Variants in BMERB1 observed in about 807,000 individuals in gnomAD.
BMERB1 encodes the protein bMERB domain-containing protein 1.
BMERB1 carries 12 observed loss-of-function variants against 23.6 expected under a neutral mutation model. The ratio of observed to expected loss-of-function variants is 0.51; its 90% CI spans 0.33 to 0.82. BMERB1 has a LOEUF of 0.82. BMERB1 is among the 40% of genes least tolerant of loss of function. The pLI is 0.03. For missense variants in BMERB1, 247 were observed against 255.4 expected, an observed-to-expected ratio of 0.97 and a Z score of 0.22; for synonymous variants, 122 against 96.6, an observed-to-expected ratio of 1.26 and a Z score of -1.54.
intron 1 of BMERB1, among the ~76,000 whole-genome samples, chr16:15,474,012 C>G (rs978777227): frequency 3.3e-5 from 5 of 150,988 alleles, no homozygotes; most frequent in African/African-American, 1.2e-4. Flanking sequence ...CCCAGCTCCT[C>G]GGGAGGCTGA....
chr16:15,501,362 G>A (rs1010524523), intron 1 of BMERB1, among the ~76,000 whole-genome samples: 11 of 145,772 alleles, frequency 7.5e-5, no homozygotes, highest in African/African-American at 2.6e-4. Flanking sequence ...ACTCGATCTT[G>A]GCTCACTGCA....
At chr16:15,519,493 C>T (rs945240671) in intron 2 of BMERB1, among the ~76,000 whole-genome samples, 1 of 152,114 alleles carries the variant, frequency 6.6e-6, no homozygotes, top group East Asian at 1.9e-4. Flanking sequence ...TGGGTTCAAG[C>T]GATTCTTGTG....
At chr16:15,477,445 C>T (rs1187106082) in intron 1 of BMERB1, among the ~76,000 whole-genome samples, 1 of 152,060 alleles carries the variant, frequency 6.6e-6, no homozygotes, top group Non-Finnish European at 1.5e-5. Context: ...ATATCAGCAA[C>T]ATAGTGAGAC....
intron 1 of BMERB1, among the ~76,000 whole-genome samples, chr16:15,492,528 A>C (rs1400241649): frequency 6.6e-6 from 1 of 152,202 alleles, no homozygotes; most frequent in Non-Finnish European, 1.5e-5. Context: ...GAAACTTTAC[A>C]ATGGAGAAAC....
At chr16:15,485,372 C>T (rs1158263382) in intron 1 of BMERB1, among the ~76,000 whole-genome samples, 3 of 152,218 alleles carry the variant, frequency 2.0e-5, no homozygotes, top group Non-Finnish European at 4.4e-5. Flanking sequence ...TAGCAAATCT[C>T]CTGGCCATTC....
At chr16:15,500,292 A>G (rs1352960188) in intron 1 of BMERB1, among the ~76,000 whole-genome samples, 2 of 152,152 alleles carry the variant, frequency 1.3e-5, no homozygotes, top group Non-Finnish European at 2.9e-5. Flanking sequence ...CCTGCACCGC[A>G]CACACTCCTT....
At chr16:15,459,503 T>G (rs1020339824) in intron 1 of BMERB1, among the ~76,000 whole-genome samples, 8 of 151,874 alleles carry the variant, frequency 5.3e-5, no homozygotes, top group African/African-American at 1.9e-4. Context: ...AGAAGAAAAT[T>G]TAAGACAAAA....
chr16:15,502,252 G>T, intron 1 of BMERB1: 1 of 1,535,296 alleles, frequency 6.5e-7, no homozygotes, highest in Non-Finnish European at 8.8e-7. Context: ...TGTGCTTGAG[G>T]TGCCACTGGA....
At chr16:15,573,048 G>T (rs1335342703) in intron 3 of BMERB1, among the ~76,000 whole-genome samples, 1 of 152,144 alleles carries the variant, frequency 6.6e-6, no homozygotes, top group East Asian at 1.9e-4. Context: ...AAATTACCCA[G>T]TTGCGGGTAT....
intron 2 of BMERB1, chr16:15,532,992 G>A (rs972369426): frequency 6.6e-6 from 3 of 455,666 alleles, no homozygotes; most frequent in South Asian, 3.1e-5. Context: ...TATAGGCTGT[G>A]CAATCTTGCA....
chr16:15,515,736 C>G (rs1197624808), intron 2 of BMERB1, among the ~76,000 whole-genome samples: 1 of 152,160 alleles, frequency 6.6e-6, no homozygotes, highest in Non-Finnish European at 1.5e-5. Context: ...TGGTGTCTTT[C>G]ACGAGCGCAC....
intron 3 of BMERB1, among the ~76,000 whole-genome samples, chr16:15,573,774 A>G (rs1249005665): frequency 6.6e-6 from 1 of 152,052 alleles, no homozygotes; most frequent in Non-Finnish European, 1.5e-5. Flanking sequence ...GAACTGCCCA[A>G]GACTGGGTAT....
chr16:15,447,054 G>A (rs891539384), intron 1 of BMERB1, among the ~76,000 whole-genome samples: 6 of 152,122 alleles, frequency 3.9e-5, no homozygotes, highest in Admixed American at 1.3e-4. Context: ...TAATAGTTGC[G>A]TGATCTTGGG....
At position 15,434,756 on chromosome 16, in the gene BMERB1, A is replaced by C. The variant is rs1215556542; in HGVS notation, c.103A>C (p.Arg35=). 3 of 552,212 alleles carry C rather than the reference A, an allele frequency of 5.4e-6. No individual in the cohort carries two copies. The highest frequency in any genetic ancestry group is 4.5e-5 in the African/African-American group (2 of 44,040). The allele number at this position is 552,212 out of a possible 1,614,324, so 34.2% of individuals were successfully genotyped here. A position where few individuals can be genotyped will look rare whatever the true frequency, so the allele number is the denominator to read the frequency against. ...ETAWKTERLG[R]NQLDIISMAE... is the part of the protein sequence containing the mutation. ...GGCTTGGAAAACGGAGAGACTGGGG[A>C]GAAGTGAGTACTGGGGCGGGGGGCG... Residue 35 remains arginine, a synonymous_variant, in exon 1 of 6, where the codon AGA becomes CGA. Coordinates refer to ENST00000300006, the MANE Select transcript of BMERB1 (RefSeq NM_033201.3).
intron 1 of BMERB1, among the ~76,000 whole-genome samples, chr16:15,435,339 C>G (rs1037227578): frequency 2.0e-5 from 3 of 152,210 alleles, no homozygotes; most frequent in African/African-American, 7.2e-5. Flanking sequence ...TCTCTTGACT[C>G]AGTTAAAGTC....
At chr16:15,586,119 C>A (rs143273496) in intron 5 of BMERB1, among the ~76,000 whole-genome samples, 5 of 151,818 alleles carry the variant, frequency 3.3e-5, no homozygotes, top group Admixed American at 3.3e-4. Flanking sequence ...AGAGACACAG[C>A]TGAAGGGAGA....
intron 2 of BMERB1, among the ~76,000 whole-genome samples, chr16:15,546,548 A>G (rs1006178379): frequency 3.9e-5 from 6 of 152,160 alleles, no homozygotes; most frequent in Admixed American, 2.0e-4. Context: ...GTTACAGGGA[A>G]AAAGCCTGGA....
At chr16:15,448,865 G>A (rs1033452067) in intron 1 of BMERB1, among the ~76,000 whole-genome samples, 6 of 152,164 alleles carry the variant, frequency 3.9e-5, no homozygotes, top group African/African-American at 1.4e-4. Context: ...CTGCTTTGAG[G>A]GAAAGATGTG....
chr16:15,435,404 A>G lies in BMERB1; in HGVS notation c.106+645A>G, dbSNP rs1482838789. Among the ~76,000 whole-genome samples, 3 of 152,328 alleles carry G rather than the reference A, an allele frequency of 2.0e-5. No individual in the cohort carries two copies. In the East Asian group the frequency reaches 5.8e-4, roughly 29 times the overall value. The stretch of plus-strand genomic sequence containing the variant: ...CGAAATAGACCGGCTGTATTTATTT[A>G]CTGGTTCTCTCTGCGGTGTTTGGAT... On this transcript the variant is annotated intron_variant, in intron 1 of 5. Coordinates refer to ENST00000300006, the MANE Select transcript of BMERB1 (RefSeq NM_033201.3).
Sources: allele counts gnomAD v4.1 joint callset (sites outside exome capture counted in the v4.1 genomes callset), GRCh38; gene constraint gnomAD v4.1.1; transcripts MANE v1.5; gene names NCBI Gene and HGNC (gene_info 2026-07-23, HGNC 2026-07-21).